The following CRADD variants were observed in gnomAD, a reference collection of about 807,000 sequenced individuals.
CRADD encodes the protein death domain-containing protein CRADD.
Under a neutral mutation model 15.5 loss-of-function variants are expected in CRADD, and 9 were observed. The ratio of observed to expected loss-of-function variants is 0.58; its 90% confidence interval spans 0.35 to 1.01. The LOEUF is 1.01. CRADD is among the 50% of genes least tolerant of loss of function. The pLI is 0.02. For missense variants in CRADD, 227 were observed against 250.3 expected (o/e 0.91, Z 0.63); for synonymous variants, 118 against 107.6 (o/e 1.10, Z -0.60).
At chr12:93,709,145 C>G (rs546840825) in intron 2 of CRADD, 4 of 152,370 alleles carry the variant, frequency 2.6e-5, no homozygotes, top group African/African-American at 9.6e-5. Flanking sequence ...TCATGTGCAT[C>G]AGCTCTCTGA....
intron 2 of CRADD, among the ~76,000 whole-genome samples, chr12:93,834,415 T>G (rs149946063): frequency 6.6e-5 from 10 of 152,326 alleles, no homozygotes; most frequent in African/African-American, 2.4e-4. Context: ...TAATCTAGCT[T>G]TGATTTTGAT....
intron 2 of CRADD, among the ~76,000 whole-genome samples, chr12:93,805,590 A>AAATG (rs574450224): frequency 3.7e-4 from 57 of 152,004 alleles, no homozygotes; most frequent in Middle Eastern, 3.4e-3. Flanking sequence ...ATAAATAAAT[A>AAATG]AATAAATAAA....
At chr12:93,682,021 A>G (rs1955320156) in intron 2 of CRADD, among the ~76,000 whole-genome samples, 1 of 152,206 alleles carries the variant, frequency 6.6e-6, no homozygotes, top group African/African-American at 2.4e-5. Flanking sequence ...TATTTTTTAC[A>G]TGTTTAAAGT....
intron 2 of CRADD, among the ~76,000 whole-genome samples, chr12:93,799,468 C>T (rs916527109): frequency 6.6e-6 from 1 of 152,154 alleles, no homozygotes; most frequent in African/African-American, 2.4e-5. Flanking sequence ...CTCTTCTATT[C>T]CCAGGTAGTC....
At chr12:93,743,284 A>G (rs1956705130) in intron 2 of CRADD, among the ~76,000 whole-genome samples, 1 of 152,128 alleles carries the variant, frequency 6.6e-6, no homozygotes, top group Non-Finnish European at 1.5e-5. Context: ...TGCTTTTCGA[A>G]GCAGTCTATA....
intron 2 of CRADD, among the ~76,000 whole-genome samples, chr12:93,864,488 A>G (rs1043726398): frequency 6.6e-6 from 1 of 152,240 alleles, no homozygotes; most frequent in Non-Finnish European, 1.5e-5. Context: ...TTAATGTCCC[A>G]TAAACATCAT....
intron 2 of CRADD, among the ~76,000 whole-genome samples, chr12:93,867,226 C>T (rs1166240703): frequency 1.3e-5 from 2 of 151,792 alleles, no homozygotes; most frequent in Non-Finnish European, 2.9e-5. Flanking sequence ...AGTTGTCTTT[C>T]CTCTTTCTGT....
chr12:93,881,534 T>A (rs576299708), intron 2 of CRADD, among the ~76,000 whole-genome samples: 1 of 152,140 alleles, frequency 6.6e-6, no homozygotes, highest in South Asian at 2.1e-4. Context: ...CTAGAATCAT[T>A]TAGAAAGAGG....
chr12:93,718,561 C>G (rs1313824060), intron 2 of CRADD, among the ~76,000 whole-genome samples: 1 of 151,928 alleles, frequency 6.6e-6, no homozygotes, highest in African/African-American at 2.4e-5. Context: ...CTTGTTTATT[C>G]TTTTGGAATT....
In CRADD at chr12:93,694,200, CAGAA is replaced by C. The variant is rs541208381; in HGVS notation, c.298+15129_298+15132del. ...CAATAAATATGACATACCACATTAA[CAGAA>C]TGAAGGACAAAAACTATATGATCAT... On this transcript the variant is annotated intron_variant, in intron 2 of 2. Transcript: ENST00000332896. Among the ~76,000 whole-genome samples, 105 of 152,222 alleles carry C rather than the reference CAGAA, an allele frequency of 6.9e-4. 1 individual carries two copies. Among genetic ancestry groups the C allele is most frequent in the African/African-American group, 2.5e-3 (102 of 41,542 alleles).
At chr12:93,880,656 A>G (rs1958491910) in intron 2 of CRADD, among the ~76,000 whole-genome samples, 1 of 151,410 alleles carries the variant, frequency 6.6e-6, no homozygotes, top group African/African-American at 2.4e-5. Context: ...GTACATCCCA[A>G]CCCCTACCAT....
chr12:93,739,176 C>T (rs148633379), intron 2 of CRADD, among the ~76,000 whole-genome samples: 5 of 152,216 alleles, frequency 3.3e-5, no homozygotes, highest in African/African-American at 1.2e-4. Flanking sequence ...ATGGGATGGG[C>T]ACCAGCCCTG....
intron 2 of CRADD, among the ~76,000 whole-genome samples, chr12:93,838,665 C>T (rs12579101): frequency 0.085 from 12,857 of 151,274 alleles, 598 homozygotes; most frequent in Admixed American, 0.1. Context: ...CACTCTTGTT[C>T]CCCCTCCCTC....
exon 3 of CRADD, chr12:93,894,150 G>A (rs1367488969): frequency 1.4e-6 from 1 of 702,052 alleles, no homozygotes; most frequent in Non-Finnish European, 2.6e-6. Context: ...CATCACCCCA[G>A]ACCCTACCCT....
intron 2 of CRADD, among the ~76,000 whole-genome samples, chr12:93,868,916 G>T (rs773139039): frequency 2.6e-5 from 4 of 152,138 alleles, no homozygotes; most frequent in Non-Finnish European, 4.4e-5. Context: ...ATAGAACAGG[G>T]AGGTCCCAGA....
Position 93,822,495 on chromosome 12 carries a change from C to A in CRADD, c.299-27475C>A, listed in dbSNP as rs145236625. Among the ~76,000 whole-genome samples, 1,074 of 152,174 alleles carry A rather than the reference C, an allele frequency of 7.1e-3. 2 individuals carry two copies. Among genetic ancestry groups the A allele is most frequent in the Non-Finnish European group, 0.011 (742 of 67,988 alleles). On this transcript the variant is annotated intron_variant, in intron 2 of 2. Transcript: ENST00000332896. ...GAGACAAGGCTTGGTATGGGCAACT[C>A]CAGGCATGGGCAACTCCAGACCTCA...
intron 2 of CRADD, chr12:93,738,265 A>T (rs1481103104): frequency 1.5e-6 from 1 of 656,556 alleles, no homozygotes; most frequent in African/African-American, 1.8e-5. Context: ...GAAGGGCCAA[A>T]AGTGTCAGAC....
intron 2 of CRADD, among the ~76,000 whole-genome samples, chr12:93,787,127 GAT>G (rs1491483842): frequency 2.5e-5 from 3 of 122,384 alleles, no homozygotes; most frequent in East Asian, 5.4e-4. Flanking sequence ...TTCTGCTGAA[GAT>G]TTTTTTTTTT....
chr12:93,739,776 C>G (rs1346039165), intron 2 of CRADD, among the ~76,000 whole-genome samples: 1 of 151,902 alleles, frequency 6.6e-6, no homozygotes, highest in Non-Finnish European at 1.5e-5. Context: ...AGCAAAAAAC[C>G]CAGTCTGTAC....
Sources: allele counts gnomAD v4.1 joint callset (sites outside exome capture counted in the v4.1 genomes callset), GRCh38; gene constraint gnomAD v4.1.1; transcripts MANE v1.5; gene names NCBI Gene and HGNC (gene_info 2026-07-23, HGNC 2026-07-21).